Variants in ARHGAP12 observed in about 807,000 individuals in gnomAD.
ARHGAP12 encodes rho GTPase-activating protein 12.
In ARHGAP12, 64 loss-of-function variants were observed where a neutral mutation model predicts 108.6. The observed-to-expected ratio is 0.59, with a 90% CI of 0.48 to 0.73. ARHGAP12 has a LOEUF of 0.73. Among genes scored for constraint, ARHGAP12 ranks in the 30% least tolerant of loss-of-function variants. The pLI, the probability that ARHGAP12 is intolerant of heterozygous loss-of-function variation, is 0.00. For missense variants in ARHGAP12, 940 were observed against 1,005.9 expected (o/e 0.93, Z 0.89); for synonymous variants, 312 against 337.2 (o/e 0.93, Z 0.82).
At chr10:31,869,348 C>A (rs559434529) in intron 3 of ARHGAP12, among the ~76,000 whole-genome samples, 1 of 152,240 alleles carries the variant, frequency 6.6e-6, no homozygotes, top group African/African-American at 2.4e-5. Flanking sequence ...AGTAGCCTGG[C>A]CAACATGCTG....
intron 3 of ARHGAP12, among the ~76,000 whole-genome samples, chr10:31,877,812 T>C (rs1021872220): frequency 5.9e-5 from 9 of 151,972 alleles, no homozygotes; most frequent in East Asian, 1.9e-4. Flanking sequence ...TTAAAACCAG[T>C]TGGGTGAGGT....
intron 9 of ARHGAP12, among the ~76,000 whole-genome samples, chr10:31,832,327 T>TA (rs1564377200): frequency 6.6e-6 from 1 of 152,174 alleles, no homozygotes; most frequent in African/African-American, 2.4e-5. Flanking sequence ...TAATGTAGCA[T>TA]AAAAAATTCA....
chr10:31,878,608 G>A (rs1837821892), intron 3 of ARHGAP12, among the ~76,000 whole-genome samples: 2 of 152,180 alleles, frequency 1.3e-5, no homozygotes, highest in Non-Finnish European at 2.9e-5. Flanking sequence ...TTATAGTATA[G>A]GGATAAGCAA....
intron 11 of ARHGAP12, among the ~76,000 whole-genome samples, chr10:31,820,923 G>C (rs139500097): frequency 1.4e-3 from 215 of 152,076 alleles, no homozygotes; most frequent in African/African-American, 5.1e-3. Context: ...CTTTGGCTTG[G>C]CAGTTCTGTA....
intron 4 of ARHGAP12, among the ~76,000 whole-genome samples, chr10:31,858,078 C>T (rs1233907334): frequency 1.3e-5 from 2 of 152,116 alleles, no homozygotes; most frequent in East Asian, 3.9e-4. Context: ...GTAGTTCATG[C>T]TTGTAGTCCC....
intron 3 of ARHGAP12, among the ~76,000 whole-genome samples, chr10:31,894,292 A>G (rs1838582414): frequency 6.6e-6 from 1 of 152,154 alleles, no homozygotes; most frequent in African/African-American, 2.4e-5. Flanking sequence ...CAATTAGGAA[A>G]AGAGGAAGTC....
intron 4 of ARHGAP12, among the ~76,000 whole-genome samples, chr10:31,860,652 A>G (rs770557752): frequency 1.3e-5 from 2 of 152,256 alleles, no homozygotes; most frequent in Non-Finnish European, 2.9e-5. Context: ...TATAAATAAA[A>G]CAATGGTCTT....
At chr10:31,874,325 A>C (rs549371478) in intron 3 of ARHGAP12, among the ~76,000 whole-genome samples, 1 of 152,294 alleles carries the variant, frequency 6.6e-6, no homozygotes, top group South Asian at 2.1e-4. Context: ...ACACTACCTA[A>C]GGAAAAGGTA....
At chr10:31,841,679 G>T (rs765730817) in intron 7 of ARHGAP12, among the ~76,000 whole-genome samples, 17 of 152,208 alleles carry the variant, frequency 1.1e-4, no homozygotes, top group Non-Finnish European at 2.5e-4. Context: ...ATGTACAGTG[G>T]GTTAGGTGTA....
intron 3 of ARHGAP12, among the ~76,000 whole-genome samples, chr10:31,878,930 A>T (rs1192753603): frequency 6.6e-6 from 1 of 152,226 alleles, no homozygotes; most frequent in African/African-American, 2.4e-5. Context: ...AATTCCTTCA[A>T]ATCATTACAA....
At chr10:31,811,354 CA>C (rs778294759) in intron 15 of ARHGAP12, among the ~76,000 whole-genome samples, 2 of 152,186 alleles carry the variant, frequency 1.3e-5, no homozygotes, top group Non-Finnish European at 2.9e-5. Flanking sequence ...TCACAAAATA[CA>C]TTTCAAATAC....
chr10:31,886,935 A>G (rs2132386541), intron 3 of ARHGAP12, among the ~76,000 whole-genome samples: 1 of 152,298 alleles, frequency 6.6e-6, no homozygotes, highest in African/African-American at 2.4e-5. Flanking sequence ...TTTCTCTTAC[A>G]GTATCTAATT....
chr10:31,918,462 G>C (rs1298205028), intron 1 of ARHGAP12, among the ~76,000 whole-genome samples: 1 of 152,028 alleles, frequency 6.6e-6, no homozygotes, highest in Non-Finnish European at 1.5e-5. Context: ...CAGTAATTTG[G>C]GAGGCCGAGG....
At chr10:31,843,188 AAAAACCAAAACCCTC>A (rs1385630242) in intron 7 of ARHGAP12, among the ~76,000 whole-genome samples, 1 of 152,140 alleles carries the variant, frequency 6.6e-6, no homozygotes, top group African/African-American at 2.4e-5. Context: ...TCTATTGTGC[AAAAACCAAAACCCTC>A]AAAACCAAAA....
intron 14 of ARHGAP12, among the ~76,000 whole-genome samples, chr10:31,813,694 C>T (rs544158845): frequency 7.2e-5 from 11 of 152,270 alleles, no homozygotes; most frequent in East Asian, 1.9e-4. Context: ...ACAAAGCTAA[C>T]GGCCTATTTA....
At chr10:31,843,433 A>T (rs769253005) in intron 7 of ARHGAP12, 28 bp downstream of exon 7, 16 of 1,603,254 alleles carry the variant, frequency 1.0e-5, no homozygotes, top group Non-Finnish European at 1.4e-5. Context: ...TAATGCAAAG[A>T]ACTTGCCAAA....
At chr10:31,858,831 C>T (rs1836998221) in intron 4 of ARHGAP12, among the ~76,000 whole-genome samples, 1 of 152,066 alleles carries the variant, frequency 6.6e-6, no homozygotes, top group African/African-American at 2.4e-5. Flanking sequence ...AACAGTCAAG[C>T]AGATGAACAA....
At chr10:31,832,159 A>T (rs1174195052) in intron 9 of ARHGAP12, among the ~76,000 whole-genome samples, 1 of 152,212 alleles carries the variant, frequency 6.6e-6, no homozygotes, top group Non-Finnish European at 1.5e-5. Context: ...ACAAAAAAGG[A>T]ATGATTTACT....
chr10:31,845,283 T>C (rs572760425), intron 6 of ARHGAP12, among the ~76,000 whole-genome samples: 67 of 152,210 alleles, frequency 4.4e-4, no homozygotes, highest in Non-Finnish European at 2.8e-4. Flanking sequence ...TTTCTAATAA[T>C]AACAATAATT....
Sources: allele counts gnomAD v4.1 joint callset (sites outside exome capture counted in the v4.1 genomes callset), GRCh38; gene constraint gnomAD v4.1.1; transcripts MANE v1.5; gene names NCBI Gene and HGNC (gene_info 2026-07-23, HGNC 2026-07-21).